The following KIF18A variants were observed in gnomAD, a reference collection of about 807,000 sequenced individuals.
KIF18A encodes kinesin family member 18A.
KIF18A carries 67 observed loss-of-function variants against 103.3 expected under a neutral mutation model. That is an observed-to-expected ratio of 0.65 (90% CI 0.53 to 0.79). The LOEUF is 0.79. Among genes scored for constraint, KIF18A ranks in the 30% least tolerant of loss-of-function variants. KIF18A has a pLI of 0.00. For synonymous variants in KIF18A, 367 were observed against 355.5 expected, an observed-to-expected ratio of 1.03 and a Z score of -0.36; for missense variants, 1,032 against 1,062.5, an observed-to-expected ratio of 0.97 and a Z score of 0.40.
intron 7 of KIF18A, among the ~76,000 whole-genome samples, chr11:28,083,902 A>G (rs1025928494): frequency 3.9e-5 from 6 of 152,100 alleles, no homozygotes; most frequent in African/African-American, 1.4e-4. Context: ...TGACAATAAC[A>G]TGCTCATCTT....
At chr11:28,084,187 C>T (rs935745254) in intron 7 of KIF18A, 1 of 151,900 alleles carries the variant, frequency 6.6e-6, no homozygotes, top group South Asian at 2.1e-4. Flanking sequence ...AAGCTTTATA[C>T]CTATTTTACA....
chr11:28,071,623 G>C (rs1012709079), intron 10 of KIF18A, among the ~76,000 whole-genome samples: 1 of 151,556 alleles, frequency 6.6e-6, no homozygotes, highest in Admixed American at 6.6e-5. Flanking sequence ...TTGGTAGAGG[G>C]AATACATATA....
chr11:28,046,692 A>G (rs1177451417), intron 13 of KIF18A, among the ~76,000 whole-genome samples: 1 of 148,794 alleles, frequency 6.7e-6, no homozygotes, highest in African/African-American at 2.5e-5. Flanking sequence ...AACTTAAAGT[A>G]TAATAATAAA....
chr11:28,038,068 T>C lies in KIF18A; in HGVS notation c.1949-1404A>G, dbSNP rs781165870. On this transcript the variant is annotated intron_variant, in intron 13 of 16. Transcript: ENST00000263181. The stretch of plus-strand genomic sequence containing the variant: ...ACCAATTCTGTCTTTTTTATGCTTA[T>C]AGTTAAAACATAATTCTGTTCATGT... Among the ~76,000 whole-genome samples the C allele has an allele frequency of 5.5e-4, 83 of 151,620 alleles. 1 individual carries two copies. Among genetic ancestry groups the C allele is most frequent in the Non-Finnish European group, 1.1e-3 (73 of 67,744 alleles).
intron 10 of KIF18A, among the ~76,000 whole-genome samples, chr11:28,072,676 G>A (rs559274544): frequency 2.6e-5 from 4 of 151,620 alleles, no homozygotes; most frequent in South Asian, 4.2e-4. Context: ...GGGAACCTGA[G>A]GATTGAAATG....
intron 6 of KIF18A, among the ~76,000 whole-genome samples, chr11:28,086,943 C>T (rs925401849): frequency 2.0e-5 from 3 of 151,680 alleles, no homozygotes; most frequent in African/African-American, 7.3e-5. Flanking sequence ...CTTGCTTTTG[C>T]AATCTTCATG....
chr11:28,036,847 T>C (rs959263608), intron 13 of KIF18A, among the ~76,000 whole-genome samples, 183 bp from the exon 14 acceptor site: 1 of 151,450 alleles, frequency 6.6e-6, no homozygotes, highest in African/African-American at 2.4e-5. Context: ...TAAATAAAGA[T>C]AAACTCATTA....
At position 28,026,858 on chromosome 11, in the gene KIF18A, G is replaced by C. The variant is rs991101887; in HGVS notation, c.2505-3008C>G. Among the ~76,000 whole-genome samples the C allele has an allele frequency of 2.6e-5, 4 of 151,742 alleles. 1 individual carries two copies. The highest frequency in any genetic ancestry group is 1.3e-4 in the Admixed American group (2 of 15,222). ...TAGACGAAACAGATGATTGTGGTTA[G>C]CTAGGCTCACTCATAAAGTGACAGA... On this transcript the variant is annotated intron_variant, in intron 15 of 16. Coordinates refer to ENST00000263181, the MANE Select transcript of KIF18A (RefSeq NM_031217.4).
chr11:28,029,378 C>T (rs528214627), intron 15 of KIF18A, among the ~76,000 whole-genome samples: 56 of 152,114 alleles, frequency 3.7e-4, no homozygotes, highest in African/African-American at 1.2e-3. Flanking sequence ...GTTCAATATA[C>T]GCAAATCAAT....
chr11:28,107,669 G>A (rs2133575488), intron 1 of KIF18A, among the ~76,000 whole-genome samples: 1 of 152,234 alleles, frequency 6.6e-6, no homozygotes, highest in South Asian at 2.1e-4. Context: ...GTAAGCCCCT[G>A]GGTACGCTTA....
intron 1 of KIF18A, among the ~76,000 whole-genome samples, chr11:28,099,981 A>G (rs1483120278): frequency 6.6e-6 from 1 of 152,176 alleles, no homozygotes; most frequent in Non-Finnish European, 1.5e-5. Context: ...TAGTGGCAGC[A>G]GAGGTGGTAA....
intron 1 of KIF18A, among the ~76,000 whole-genome samples, 152 bp from the exon 2 acceptor site, chr11:28,098,145 A>G (rs979225856): frequency 5.9e-5 from 9 of 152,320 alleles, no homozygotes; most frequent in African/African-American, 1.9e-4. Context: ...ACGTAGGCAC[A>G]CACAACACAC....
chr11:28,057,592 G>T (rs1470053072), intron 13 of KIF18A, among the ~76,000 whole-genome samples: 1 of 151,952 alleles, frequency 6.6e-6, no homozygotes, highest in Non-Finnish European at 1.5e-5. Flanking sequence ...TTTGGTTTAG[G>T]TAAAGATGAA....
intron 15 of KIF18A, among the ~76,000 whole-genome samples, chr11:28,028,855 C>T (rs192105897): frequency 5.3e-5 from 8 of 151,892 alleles, no homozygotes; most frequent in South Asian, 2.1e-4. Flanking sequence ...ATATCACCAC[C>T]GATCCCACAG....
intron 13 of KIF18A, among the ~76,000 whole-genome samples, chr11:28,045,835 TCAAA>T (rs1361741644): frequency 6.6e-6 from 1 of 151,630 alleles, no homozygotes; most frequent in East Asian, 1.9e-4. Context: ...TACAATGAAC[TCAAA>T]CAAATTTACA....
chr11:28,053,634 C>G (rs1196346106), intron 13 of KIF18A, among the ~76,000 whole-genome samples: 1 of 125,570 alleles, frequency 8.0e-6, no homozygotes, highest in Non-Finnish European at 1.6e-5. Context: ...AGGTATACCT[C>G]CTAATGCTAT....
intron 10 of KIF18A, chr11:28,076,806 C>T (rs563880447): frequency 1.2e-5 from 4 of 324,152 alleles, no homozygotes; most frequent in East Asian, 6.7e-5. Flanking sequence ...TAGTGGTGCA[C>T]GCTTGTAATA....
chr11:28,091,145 A>ATACATAC (rs1565089741), intron 4 of KIF18A, among the ~76,000 whole-genome samples: 3,327 of 101,282 alleles, frequency 0.033, 49 homozygotes, highest in East Asian at 0.11. Context: ...TAAATAAATA[A>ATACATAC]ATAAATACAT....
At chr11:28,034,321 G>A (rs940756562) in intron 15 of KIF18A, among the ~76,000 whole-genome samples, 1 of 151,556 alleles carries the variant, frequency 6.6e-6, no homozygotes, top group African/African-American at 2.4e-5. Context: ...TTGTTTAAGT[G>A]CCAAACATTG....
Sources: allele counts gnomAD v4.1 joint callset (sites outside exome capture counted in the v4.1 genomes callset), GRCh38; gene constraint gnomAD v4.1.1; transcripts MANE v1.5; gene names NCBI Gene and HGNC (gene_info 2026-07-23, HGNC 2026-07-21).